RELN: variants seen among roughly 807,000 people sequenced by gnomAD.
RELN encodes reelin.
Under a neutral mutation model 427.6 loss-of-function variants are expected in RELN, and 108 were observed. The observed-to-expected ratio is 0.25, with a 90% confidence interval of 0.22 to 0.30. The LOEUF (loss-of-function observed/expected upper bound fraction) is 0.30. RELN is among the 10% of genes least tolerant of loss of function. The pLI, the probability that RELN is intolerant of heterozygous loss-of-function variation, is 1.00. For missense variants in RELN, 3,715 were observed against 4,302.8 expected (o/e 0.86, Z 3.82); for synonymous variants, 1,524 against 1,513.4 (o/e 1.01, Z -0.16).
intron 3 of RELN, among the ~76,000 whole-genome samples, chr7:103,811,163 G>A (rs1792733977): frequency 6.6e-6 from 1 of 152,140 alleles, no homozygotes; most frequent in African/African-American, 2.4e-5. Context: ...TACAAATGAT[G>A]TAGCTGTTTG....
At chr7:103,685,279 T>A (rs1179880850) in intron 10 of RELN, among the ~76,000 whole-genome samples, 3 of 152,172 alleles carry the variant, frequency 2.0e-5, no homozygotes, top group Non-Finnish European at 4.4e-5. Context: ...CTATTCGAAC[T>A]CCTATCATTT....
chr7:103,949,058 T>G (rs1796280630), intron 1 of RELN, among the ~76,000 whole-genome samples: 1 of 144,006 alleles, frequency 6.9e-6, no homozygotes. Flanking sequence ...CCCGTATACA[T>G]ATATATGGGT....
chr7:103,476,094 T>C (rs982618652), intron 64 of RELN, among the ~76,000 whole-genome samples: 7 of 152,148 alleles, frequency 4.6e-5, no homozygotes, highest in African/African-American at 1.7e-4. Flanking sequence ...ATCAGTATCA[T>C]ATCTTTGGAT....
At chr7:103,559,527 T>G (rs995812085) in intron 36 of RELN, among the ~76,000 whole-genome samples, 1 of 152,206 alleles carries the variant, frequency 6.6e-6, no homozygotes, top group African/African-American at 2.4e-5. Flanking sequence ...TCTTCATGTC[T>G]TAATGTCTTT....
At position 103,539,380 on chromosome 7, in the gene RELN, G is replaced by C. The variant is rs41275236; in HGVS notation, c.6931-53C>G. On this transcript the variant is annotated intron_variant, in intron 44 of 64. Coordinates refer to ENST00000428762, the MANE Select transcript of RELN (RefSeq NM_005045.4). ...ATTTTCCATTTAGTTTTAAGAAATG[G>C]AAAGTTCTGCCTTTTTCGTTTGTTT... 4,327 of 1,575,806 alleles carry C rather than the reference G, an allele frequency of 2.7e-3. 7 individuals are homozygous for C. Among genetic ancestry groups the C allele is most frequent in the Non-Finnish European group, 3.5e-3 (4,053 of 1,151,708 alleles).
At position 103,909,688 on chromosome 7, in the gene RELN, AAT is replaced by A. The variant is rs1172480876; in HGVS notation, c.337+7385_337+7386del. Among the ~76,000 whole-genome samples the A allele has an allele frequency of 2.5e-3, 167 of 67,392 alleles. 8 individuals are homozygous for A. Among genetic ancestry groups the A allele is most frequent in the Admixed American group, 7.9e-3 (35 of 4,428 alleles). The allele number at this position is 67,392 out of a possible 152,430, so 44.2% of individuals were successfully genotyped here. On this transcript the variant is annotated intron_variant, in intron 2 of 64. Coordinates refer to ENST00000428762, the MANE Select transcript of RELN (RefSeq NM_005045.4). ...AAATATATATTAAATATATTTAATA[AAT>A]ATATATATTTAATATATATAAATAT...
chr7:103,721,608 A>T (rs1790079136), intron 8 of RELN, among the ~76,000 whole-genome samples: 1 of 152,182 alleles, frequency 6.6e-6, no homozygotes, highest in African/African-American at 2.4e-5. Flanking sequence ...TTTCCCTGTA[A>T]TAAAGGATAA....
At chr7:103,529,392 C>T (rs995048745) in intron 46 of RELN, among the ~76,000 whole-genome samples, 16 of 151,600 alleles carry the variant, frequency 1.1e-4, no homozygotes, top group African/African-American at 3.9e-4. Context: ...AATCTTCAAA[C>T]TGTGACTTAA....
chr7:103,561,706 A>G lies in RELN; in HGVS notation c.5355T>C (p.Cys1785=). ...AATAGGGTCCACCAAAGCCCCGGTC[A>G]CACCTAAGAAAGAGAGGGAGTGGAG... is the stretch of plus-strand genomic sequence containing the variant. ...RGICDAGRCV[C]DRGFGGPYCV... The change falls in exon 36 of 65, where the codon TGT becomes TGC. Residue 1785 remains cysteine (C), a synonymous_variant. Coordinates refer to ENST00000428762, the MANE Select transcript of RELN (RefSeq NM_005045.4). 1 of 1,613,990 alleles carries G rather than the reference A, an allele frequency of 6.2e-7. No homozygotes were observed. The highest frequency in any genetic ancestry group is 8.5e-7 in the Non-Finnish European group (1 of 1,179,946).
chr7:103,478,173 A>G (rs572978831), intron 64 of RELN, among the ~76,000 whole-genome samples: 1 of 152,256 alleles, frequency 6.6e-6, no homozygotes, highest in South Asian at 2.1e-4. Flanking sequence ...CCTATATTGT[A>G]TATATTAGGG....
chr7:103,494,672 T>C (rs1460132224), intron 57 of RELN, among the ~76,000 whole-genome samples: 1 of 151,532 alleles, frequency 6.6e-6, no homozygotes, highest in Non-Finnish European at 1.5e-5. Flanking sequence ...GTGTTTGCAA[T>C]AGAGATACAT....
chr7:103,981,819 C>T lies in RELN; in HGVS notation c.226+7312G>A, dbSNP rs975771673. 1.1e-4 allele frequency among the ~76,000 whole-genome samples: 16 copies of T among 152,318 alleles called. No individual in the cohort carries two copies. The East Asian group carries it at 2.7e-3, about 26-fold the overall frequency. ...ATAGGCAAGGTTAGGGCAAAAAGTGCGTGCCTGCTGAGTCTTTTATAAAAT... is the reference window on the plus strand; with the variant it reads ...ATAGGCAAGGTTAGGGCAAAAAGTGTGTGCCTGCTGAGTCTTTTATAAAAT... On this transcript the variant is annotated intron_variant, in intron 1 of 64. Transcript: ENST00000428762.
intron 1 of RELN, among the ~76,000 whole-genome samples, chr7:103,957,544 G>A (rs1270532684): frequency 1.3e-5 from 2 of 152,106 alleles, no homozygotes; most frequent in Non-Finnish European, 2.9e-5. Flanking sequence ...GAGGCACAGG[G>A]AGGTGAAGTT....
At chr7:103,935,290 G>A (rs1795956902) in intron 1 of RELN, among the ~76,000 whole-genome samples, 1 of 152,078 alleles carries the variant, frequency 6.6e-6, no homozygotes, top group African/African-American at 2.4e-5. Flanking sequence ...CATCTCAAAT[G>A]CTCCACTAGA....
chr7:103,511,447 T>A (rs1023243079), intron 50 of RELN, among the ~76,000 whole-genome samples: 3 of 152,240 alleles, frequency 2.0e-5, no homozygotes, highest in South Asian at 4.1e-4. Flanking sequence ...ATTTTATTTT[T>A]TTTAATACCG....
At chr7:103,778,262 C>T (rs1300549289) in intron 3 of RELN, among the ~76,000 whole-genome samples, 2 of 152,122 alleles carry the variant, frequency 1.3e-5, no homozygotes, top group African/African-American at 2.4e-5. Context: ...ACTGTTCAAA[C>T]CAACCAATCC....
intron 51 of RELN, among the ~76,000 whole-genome samples, chr7:103,510,634 A>C (rs900311103): frequency 1.3e-4 from 20 of 152,248 alleles, no homozygotes; most frequent in African/African-American, 2.4e-5. Context: ...GTATAATAAA[A>C]AAAGATGAAA....
At chr7:103,738,513 T>C (rs1790551878) in intron 6 of RELN, among the ~76,000 whole-genome samples, 1 of 151,934 alleles carries the variant, frequency 6.6e-6, no homozygotes, top group Non-Finnish European at 1.5e-5. Flanking sequence ...ATATACAACA[T>C]AATCATCACC....
At chr7:103,863,922 T>C (rs1387743095) in intron 2 of RELN, among the ~76,000 whole-genome samples, 1 of 152,032 alleles carries the variant, frequency 6.6e-6, no homozygotes, top group East Asian at 1.9e-4. Flanking sequence ...TTCAGGAAGA[T>C]GACATGTTGC....
Sources: gnomAD v4.1 joint callset for allele counts (sites outside exome capture counted in the v4.1 genomes callset) on GRCh38, gnomAD v4.1.1 for gene constraint, MANE v1.5 for transcripts, NCBI Gene and HGNC (gene_info 2026-07-23, HGNC 2026-07-21) for gene names.